The following STAT4 variants were observed in gnomAD, a reference collection of about 807,000 sequenced individuals.
STAT4 encodes the protein signal transducer and activator of transcription 4.
Under a neutral mutation model 110.5 loss-of-function variants are expected in STAT4, and 42 were observed. The ratio of observed to expected loss-of-function variants is 0.38; its 90% CI spans 0.30 to 0.49. The LOEUF is 0.49. Among genes scored for constraint, STAT4 ranks in the 20% least tolerant of loss-of-function variants. STAT4 has a pLI of 0.95. For synonymous variants in STAT4, 284 were observed against 302.2 expected (o/e 0.94, Z 0.63); for missense variants, 632 against 887.9 (o/e 0.71, Z 3.66).
In STAT4 at chr2:191,064,887, C is replaced by G; in HGVS notation, c.702G>C (p.Glu234Asp). The G allele has an allele frequency of 1.2e-6, 2 of 1,613,416 alleles. 1 individual carries two copies. The highest frequency in any genetic ancestry group is 3.3e-4 in the Middle Eastern group (2 of 6,036). Reference sequence around the variant, plus strand: ...GCTGCCGCCGCTTCCAGTCTTGCAGCTCTTCTATGAGCATGGTGTTCATTA... The same window carrying G: ...GCTGCCGCCGCTTCCAGTCTTGCAGGTCTTCTATGAGCATGGTGTTCATTA... ...DLLMNTMLIE[E>D]LQDWKRRQQI... is the part of the protein sequence containing the mutation. Residue 234 changes from glutamate to aspartate, a missense_variant, in exon 8 of 24, where the codon GAG (glutamate) becomes GAC (aspartate). By Grantham distance (45) the Glu-to-Asp change is conservative. Around this residue, in one of 4 missense-constraint regions of STAT4, gnomAD observed 488 missense variants for 632.8 expected, o/e 0.77. Transcript: ENST00000392320.
In STAT4 at chr2:191,104,691, GAT is replaced by G. The variant is rs1698231336; in HGVS notation, c.274-28368_274-28367del. On this transcript the variant is annotated intron_variant, in intron 3 of 23. Transcript: ENST00000392320. This position sits in a 1 kb window ranked among gnomAD's most constrained non-coding sequence, Gnocchi z 4.3. ...CACTCCTCCCCATATGATTTGAAAG[GAT>G]ATATATTGTCAAAGAATAAAGAATG... Among the ~76,000 whole-genome samples, 1 of 152,090 alleles carries G rather than the reference GAT, an allele frequency of 6.6e-6. No individual in the cohort carries two copies. Among genetic ancestry groups the G allele is most frequent in the African/African-American group, 2.4e-5 (1 of 41,418 alleles).
Position 191,036,380 on chromosome 2 carries a change from TC to T in STAT4, c.1435-82del, listed in dbSNP as rs1422780586. ...AGGTGTGAGCAGGGCAAGAGAGGTCTCCCCCTCTCCCCACACACATACTAGG... is the reference window on the plus strand; with the variant it reads ...AGGTGTGAGCAGGGCAAGAGAGGTCTCCCCTCTCCCCACACACATACTAGG... On this transcript the variant is annotated intron_variant, in intron 16 of 23. Coordinates refer to ENST00000392320, the MANE Select transcript of STAT4 (RefSeq NM_003151.4). 4 of 1,383,354 alleles carry T rather than the reference TC, an allele frequency of 2.9e-6. No homozygotes were observed. In the Admixed American group the frequency reaches 7.7e-5, roughly 27 times the overall value. 85.7% of individuals were successfully genotyped at this position (1,383,354 alleles called of 1,614,324 possible).
At chr2:191,129,598 CA>C (rs1210562035) in intron 3 of STAT4, among the ~76,000 whole-genome samples, 4 of 151,534 alleles carry the variant, frequency 2.6e-5, no homozygotes, top group Admixed American at 6.6e-5. Context: ...TGTCACTTTC[CA>C]AAAAAAAGGC....
In STAT4 at chr2:191,104,395, A is replaced by G. The variant is rs1399462868; in HGVS notation, c.274-28070T>C. Among the ~76,000 whole-genome samples the G allele has an allele frequency of 2.0e-5, 3 of 152,182 alleles. No individual in the cohort carries two copies. Among genetic ancestry groups the G allele is most frequent in the Non-Finnish European group, 4.4e-5 (3 of 68,030 alleles). On this transcript the variant is annotated intron_variant, in intron 3 of 23. Coordinates refer to ENST00000392320, the MANE Select transcript of STAT4 (RefSeq NM_003151.4). The surrounding 1 kb of genome is among the most constrained non-coding windows in gnomAD (Gnocchi z 4.3). ...TTTATTTTCTAGGAGAAGATGAGGTAATATTGTAGATAAAAAGCTTTAGAA... is the reference window on the plus strand; with the variant it reads ...TTTATTTTCTAGGAGAAGATGAGGTGATATTGTAGATAAAAAGCTTTAGAA...
intron 3 of STAT4, among the ~76,000 whole-genome samples, chr2:191,080,757 A>G (rs1255171092): frequency 6.6e-6 from 1 of 152,190 alleles, no homozygotes; most frequent in Non-Finnish European, 1.5e-5. Flanking sequence ...TCAGATGTCT[A>G]TTCCAGAAGA....
intron 3 of STAT4, among the ~76,000 whole-genome samples, chr2:191,093,523 A>G (rs542654478): frequency 1.3e-5 from 2 of 152,340 alleles, no homozygotes; most frequent in African/African-American, 4.8e-5. Context: ...AAACTAACAA[A>G]CAGAAAGGAA....
chr2:191,123,513 T>C (rs540780563), intron 3 of STAT4, among the ~76,000 whole-genome samples: 1 of 152,336 alleles, frequency 6.6e-6, no homozygotes, highest in South Asian at 2.1e-4. Context: ...ATACAGATGC[T>C]TCTCCACTCA....
Position 191,147,783 on chromosome 2 carries a change from T to C in STAT4, c.128+293A>G, listed in dbSNP as rs558873062. ...ATATTGATTTACATTGAGTCTGTGA[T>C]AGAGAACTGACAATCAATTGATTTG... On this transcript the variant is annotated intron_variant, in intron 2 of 23. Transcript: ENST00000392320. This position sits in a 1 kb window ranked among gnomAD's most constrained non-coding sequence, Gnocchi z 4.1. 1.3e-5 allele frequency among the ~76,000 whole-genome samples: 2 copies of C among 152,328 alleles called. No individual in the cohort carries two copies. The highest frequency in any genetic ancestry group is 2.4e-5 in the African/African-American group (1 of 41,578).
intron 3 of STAT4, among the ~76,000 whole-genome samples, chr2:191,132,671 CAT>C (rs1466475211): frequency 6.6e-6 from 1 of 151,444 alleles, no homozygotes; most frequent in African/African-American, 2.4e-5. Context: ...AATTTCTCCT[CAT>C]ATTTAATAGC....
At chr2:191,040,171 T>C (rs1223360863) in intron 15 of STAT4, among the ~76,000 whole-genome samples, 1 of 152,240 alleles carries the variant, frequency 6.6e-6, no homozygotes, top group African/African-American at 2.4e-5. Context: ...CACGGTGTCC[T>C]GCCTTCAAGG....
rs1695945139 is a variant in STAT4 at position 191,033,118 on chromosome 2, G to A, written c.1884C>T (p.Tyr628=). ...GCAGAGCAGACAACCGGCCTTTATT[G>A]TAGGGTTCTACAGAGTGGAATCTCA... ...GEVRFHSVEP[Y]NKGRLSALPF... The change falls in exon 21 of 24, where the codon TAC becomes TAT. Residue 628 remains tyrosine (Y), a synonymous_variant. Coordinates refer to ENST00000392320, the MANE Select transcript of STAT4 (RefSeq NM_003151.4). The surrounding 1 kb of genome is among the most constrained non-coding windows in gnomAD (Gnocchi z 6.9). 1 of 1,614,084 alleles carries A rather than the reference G, an allele frequency of 6.2e-7. No individual in the cohort carries two copies. Among genetic ancestry groups the A allele is most frequent in the African/African-American group, 1.3e-5 (1 of 75,008 alleles).
rs1450182263 is a variant in STAT4 at position 191,113,358 on chromosome 2, T to C, written c.273+33255A>G. On this transcript the variant is annotated intron_variant, in intron 3 of 23. Transcript: ENST00000392320. This position sits in a 1 kb window ranked among gnomAD's most constrained non-coding sequence, Gnocchi z 4.8. Reference sequence around the variant, plus strand: ...TCTCTTAGTACCTATATTACAGTTGTTCCTTTGATCTTGAGAGCTCCAACA... The same window carrying C: ...TCTCTTAGTACCTATATTACAGTTGCTCCTTTGATCTTGAGAGCTCCAACA... Among the ~76,000 whole-genome samples the C allele has an allele frequency of 5.9e-5, 9 of 152,364 alleles. No individual in the cohort carries two copies. Among genetic ancestry groups the C allele is most frequent in the Admixed American group, 5.2e-4 (8 of 15,300 alleles).
intron 13 of STAT4, 88 bp downstream of exon 13, chr2:191,057,930 A>G: frequency 1.7e-6 from 2 of 1,176,396 alleles, no homozygotes; most frequent in Non-Finnish European, 2.5e-6. Context: ...ATATTTAAGC[A>G]CAAAACATAC....
chr2:191,092,826 T>C (rs182511635), intron 3 of STAT4, among the ~76,000 whole-genome samples: 210 of 152,120 alleles, frequency 1.4e-3, no homozygotes, highest in African/African-American at 4.8e-3. Context: ...ACCTGGAAAA[T>C]TGGGACACTC....
chr2:191,124,453 C>CGAAA (rs1698822809), intron 3 of STAT4, among the ~76,000 whole-genome samples: 1 of 71,228 alleles, frequency 1.4e-5, no homozygotes. Flanking sequence ...GACGCCGTCT[C>CGAAA]AAAAAAAAAA....
At position 191,033,029 on chromosome 2, in the gene STAT4, A is replaced by C; in HGVS notation, c.1973T>G (p.Leu658Arg). The change falls in exon 21 of 24, where the codon CTG (leucine) becomes CGG (arginine). Residue 658 changes from leucine (L) to arginine (R), a missense_variant. Transcript: ENST00000392320. This position sits in a 1 kb window ranked among gnomAD's most constrained non-coding sequence, Gnocchi z 6.9. ...IMAENIPENP[L>R]KYLYPDIPKD... ...GGGAATGTCAGGATATAGGTACTTC[A>C]GAGGGTTTTCAGGAATGTTTTCAGC... 1 of 1,614,226 alleles carries C rather than the reference A, an allele frequency of 6.2e-7. No individual in the cohort carries two copies. The highest frequency in any genetic ancestry group is 8.5e-7 in the Non-Finnish European group (1 of 1,180,036).
intron 7 of STAT4, among the ~76,000 whole-genome samples, chr2:191,065,446 G>T (rs1696962290): frequency 6.6e-6 from 1 of 152,142 alleles, no homozygotes; most frequent in Admixed American, 6.5e-5. Flanking sequence ...TAGAAGATAT[G>T]AATTTCTGTT....
chr2:191,092,669 AC>A (rs1431164526), intron 3 of STAT4, among the ~76,000 whole-genome samples: 1 of 152,176 alleles, frequency 6.6e-6, no homozygotes, highest in Non-Finnish European at 1.5e-5. Context: ...CAATGGAGGT[AC>A]CTGGTTCATC....
intron 14 of STAT4, among the ~76,000 whole-genome samples, chr2:191,044,808 G>A (rs1157699115): frequency 6.6e-6 from 1 of 152,164 alleles, no homozygotes; most frequent in African/African-American, 2.4e-5. Context: ...AAATTGTAAG[G>A]AGTTTTCTAG....
Sources: allele counts gnomAD v4.1 joint callset (sites outside exome capture counted in the v4.1 genomes callset), GRCh38; gene constraint gnomAD v4.1.1; regional missense constraint gnomAD v4.1.1; non-coding constraint Gnocchi (gnomAD v3.1); transcripts MANE v1.5; gene names NCBI Gene and HGNC (gene_info 2026-07-23, HGNC 2026-07-21).